The following MINPP1 variants were observed in gnomAD, a reference collection of about 807,000 sequenced individuals.
The protein encoded by MINPP1 is multiple inositol polyphosphate phosphatase 1.
MINPP1 carries 28 observed loss-of-function variants against 46.1 expected under a neutral mutation model. The ratio of observed to expected loss-of-function variants is 0.61; its 90% CI spans 0.45 to 0.83. The LOEUF is 0.83. Ranked by LOEUF, MINPP1 falls within the 40% of genes least tolerant of loss-of-function variation. MINPP1 has a pLI of 0.00. For missense variants in MINPP1, 603 were observed against 610.0 expected (o/e 0.99, Z 0.12); for synonymous variants, 268 against 249.1 (o/e 1.08, Z -0.72).
chr10:87,508,542 T>C lies in MINPP1; in HGVS notation c.835+9T>C. On this transcript the variant is annotated intron_variant, in intron 2 of 4. Transcript: ENST00000371996. ...AAATGATTTAAATGCAGGTAATATG[T>C]CTGTTGTCTTTTATTTGAACTTAAC... 2 of 1,605,062 alleles carry C rather than the reference T, an allele frequency of 1.2e-6. No individual in the cohort carries two copies. Among genetic ancestry groups the C allele is most frequent in the Non-Finnish European group, 1.7e-6 (2 of 1,172,132 alleles).
intron 3 of MINPP1, among the ~76,000 whole-genome samples, chr10:87,517,802 C>T (rs1851434166): frequency 6.6e-6 from 1 of 152,172 alleles, no homozygotes. Context: ...GCTGGGACCA[C>T]AGGCATCCGC....
At chr10:87,538,315 G>A (rs1057473114) in intron 4 of MINPP1, among the ~76,000 whole-genome samples, 1 of 152,088 alleles carries the variant, frequency 6.6e-6, no homozygotes, top group African/African-American at 2.4e-5. Flanking sequence ...TGCTCAGGGC[G>A]ACTTCCCGAG....
At chr10:87,548,684 T>C (rs1465506705) in intron 4 of MINPP1, among the ~76,000 whole-genome samples, 2 of 152,188 alleles carry the variant, frequency 1.3e-5, no homozygotes, top group East Asian at 3.9e-4. Flanking sequence ...AAATTATAAG[T>C]GTATTATTCC....
intron 2 of MINPP1, among the ~76,000 whole-genome samples, chr10:87,509,022 A>G (rs1433228450): frequency 2.6e-5 from 4 of 152,188 alleles, no homozygotes; most frequent in Admixed American, 1.3e-4. Flanking sequence ...AGTCATGTCT[A>G]TCATAAGTTA....
At chr10:87,514,888 T>G (rs10887724) in intron 3 of MINPP1, among the ~76,000 whole-genome samples, 111,606 of 151,214 alleles carry the variant, frequency 0.74, 41,906 homozygotes, top group African/African-American at 0.88. Context: ...GGTAATTTTT[T>G]TATTTTTAGT....
chr10:87,531,444 T>C (rs1311314171), intron 4 of MINPP1, among the ~76,000 whole-genome samples: 1 of 152,224 alleles, frequency 6.6e-6, no homozygotes, highest in East Asian at 1.9e-4. Flanking sequence ...GGTATTTTAA[T>C]AAACTGAGAA....
intron 3 of MINPP1, among the ~76,000 whole-genome samples, chr10:87,520,057 A>AGTGTGTGTGTGTGTGTGTGT (rs141533495): frequency 0.028 from 4,127 of 147,400 alleles, 176 homozygotes; most frequent in Admixed American, 0.11. Context: ...TAAAAGGTAT[A>AGTGTGTGTGTGTGTGTGTGT]GTGTGTGTGT....
chr10:87,548,265 C>G (rs3781194), intron 4 of MINPP1, among the ~76,000 whole-genome samples: 18,604 of 152,182 alleles, frequency 0.12, 1,379 homozygotes, highest in Non-Finnish European at 0.17. Context: ...ACATGCGAAT[C>G]TGAAAGAGCC....
In MINPP1 at chr10:87,547,265, C is replaced by T. The variant is rs1851901207; in HGVS notation, c.1068-4817C>T. On this transcript the variant is annotated intron_variant, in intron 4 of 4. Transcript: ENST00000371996. ...AGCTTGGACTACAGTCATGTGCCACCACACCCAGCTAGTTTTTTTGTATAT... is the reference window on the plus strand; with the variant it reads ...AGCTTGGACTACAGTCATGTGCCACTACACCCAGCTAGTTTTTTTGTATAT... 2.0e-5 allele frequency among the ~76,000 whole-genome samples: 3 copies of T among 152,134 alleles called. No individual in the cohort carries two copies. The South Asian group carries it at 6.2e-4, about 32-fold the overall frequency.
chr10:87,530,110 C>CT (rs914184460), intron 4 of MINPP1, among the ~76,000 whole-genome samples: 1 of 152,174 alleles, frequency 6.6e-6, no homozygotes, highest in African/African-American at 2.4e-5. Flanking sequence ...TTCGTCTAAT[C>CT]TTTTTTCAAG....
At position 87,508,509 on chromosome 10, in the gene MINPP1, G is replaced by A; in HGVS notation, c.811G>A (p.Val271Met). ...AAAAAAAGTTGCAGCTACTTTGCAA[G>A]TGCCAGTAAATGATTTAAATGCAGG... ...ILKKVAATLQ[V>M]PVNDLNADLI... Residue 271 changes from valine (V) to methionine (M), a missense_variant, in exon 2 of 5, where the codon GTG (valine) becomes ATG (methionine). Coordinates refer to ENST00000371996, the MANE Select transcript of MINPP1 (RefSeq NM_004897.5). 1 of 1,613,630 alleles carries A rather than the reference G, an allele frequency of 6.2e-7. No individual in the cohort carries two copies. Among genetic ancestry groups the A allele is most frequent in the Non-Finnish European group, 8.5e-7 (1 of 1,179,674 alleles).
At chr10:87,525,235 T>C (rs755807339) in intron 4 of MINPP1, among the ~76,000 whole-genome samples, 2 of 152,218 alleles carry the variant, frequency 1.3e-5, no homozygotes, top group Non-Finnish European at 2.9e-5. Flanking sequence ...TTAGAACATT[T>C]TCATCGCCTC....
At chr10:87,528,946 C>T (rs987615232) in intron 4 of MINPP1, among the ~76,000 whole-genome samples, 1 of 152,114 alleles carries the variant, frequency 6.6e-6, no homozygotes, top group Admixed American at 6.6e-5. Context: ...TTGAATTGAT[C>T]CCTCTACCGT....
chr10:87,513,102 T>G, intron 2 of MINPP1, 22 bp from the exon 3 acceptor site: 1 of 1,592,654 alleles, frequency 6.3e-7, no homozygotes, highest in Non-Finnish European at 8.6e-7. Context: ...ACCCACAAAA[T>G]TTTACCTTTT....
intron 4 of MINPP1, among the ~76,000 whole-genome samples, chr10:87,538,733 T>C (rs145703561): frequency 6.6e-6 from 1 of 152,360 alleles, no homozygotes; most frequent in Non-Finnish European, 1.5e-5. Flanking sequence ...TGCTTATTTG[T>C]ATACTTACAT....
chr10:87,515,599 T>C (rs758633051), intron 3 of MINPP1, among the ~76,000 whole-genome samples: 8 of 152,264 alleles, frequency 5.3e-5, no homozygotes, highest in Middle Eastern at 3.4e-3. Flanking sequence ...AATTTATCCC[T>C]GCTTAGGACT....
chr10:87,529,097 G>T (rs1045420430), intron 4 of MINPP1, among the ~76,000 whole-genome samples: 2 of 152,100 alleles, frequency 1.3e-5, no homozygotes, highest in Non-Finnish European at 1.5e-5. Flanking sequence ...TTGAGCCTAT[G>T]TGTGTCTCTG....
chr10:87,521,256 T>G, intron 4 of MINPP1, 87 bp downstream of exon 4: 2 of 1,080,096 alleles, frequency 1.9e-6, no homozygotes, highest in South Asian at 2.9e-5. Flanking sequence ...TTTTAAAAAA[T>G]AGTTTTTGCT....
intron 4 of MINPP1, among the ~76,000 whole-genome samples, chr10:87,536,279 G>T (rs959902725): frequency 6.6e-6 from 1 of 152,134 alleles, no homozygotes. Context: ...TACTGAGAGA[G>T]AATTAATTTG....
Sources: allele counts gnomAD v4.1 joint callset (sites outside exome capture counted in the v4.1 genomes callset), GRCh38; gene constraint gnomAD v4.1.1; transcripts MANE v1.5; gene names NCBI Gene and HGNC (gene_info 2026-07-23, HGNC 2026-07-21).